VAV3: variants seen among roughly 807,000 people sequenced by gnomAD.
VAV3 encodes the protein guanine nucleotide exchange factor VAV3.
In VAV3, 94 loss-of-function variants were observed where a neutral mutation model predicts 131.2. That is an observed-to-expected ratio of 0.72 (90% CI 0.61 to 0.85). VAV3 has a LOEUF of 0.85. Ranked by LOEUF, VAV3 falls within the 40% of genes least tolerant of loss-of-function variation. The pLI is 0.00. For synonymous variants in VAV3, 349 were observed against 342.0 expected, an observed-to-expected ratio of 1.02 and a Z score of -0.22; for missense variants, 939 against 1,002.7, an observed-to-expected ratio of 0.94 and a Z score of 0.86.
At chr1:107,669,582 A>G (rs1289164644) in intron 19 of VAV3, 1 of 1,154,774 alleles carries the variant, frequency 8.7e-7, no homozygotes, top group African/African-American at 1.7e-5. Context: ...AAATAAAGGT[A>G]GACTAGAGCC....
chr1:107,956,065 G>A (rs1223160088), intron 1 of VAV3, among the ~76,000 whole-genome samples: 1 of 152,236 alleles, frequency 6.6e-6, no homozygotes, highest in Non-Finnish European at 1.5e-5. Flanking sequence ...AAGAGCATCG[G>A]GGTAAGAGTG....
chr1:107,755,611 A>T (rs1203291573), intron 11 of VAV3, 98 bp from the exon 12 acceptor site: 2 of 817,264 alleles, frequency 2.4e-6, no homozygotes, highest in African/African-American at 3.5e-5. Context: ...ATTAGTGGTA[A>T]AAGTAACCAC....
intron 17 of VAV3, among the ~76,000 whole-genome samples, chr1:107,700,358 G>A (rs1660028115): frequency 6.6e-6 from 1 of 152,122 alleles, no homozygotes; most frequent in South Asian, 2.1e-4. Flanking sequence ...TGTTACATAG[G>A]TAAACGCGTG....
Position 107,681,756 on chromosome 1 carries a change from C to G in VAV3, c.1777+1732G>C, listed in dbSNP as rs544431240. On this transcript the variant is annotated intron_variant, in intron 19 of 26. Coordinates refer to ENST00000370056, the MANE Select transcript of VAV3 (RefSeq NM_006113.5). ...GCAAGTTCTGCCTCCCGGGCTCACG[C>G]CATTCTCCTGCCTCAGCCTCCCAAG... 2.6e-4 allele frequency among the ~76,000 whole-genome samples: 39 copies of G among 151,786 alleles called. No individual in the cohort carries two copies. The South Asian group carries it at 4.6e-3, about 18-fold the overall frequency.
At chr1:107,826,313 T>G (rs1668011133) in intron 2 of VAV3, among the ~76,000 whole-genome samples, 1 of 152,204 alleles carries the variant, frequency 6.6e-6, no homozygotes, top group Admixed American at 6.5e-5. Context: ...CCTGTAAGAT[T>G]GAAAATTCTT....
intron 2 of VAV3, among the ~76,000 whole-genome samples, chr1:107,805,257 CTCT>C (rs1476688182): frequency 2.0e-5 from 3 of 152,116 alleles, no homozygotes; most frequent in Non-Finnish European, 2.9e-5. Context: ...CTACTCCTCG[CTCT>C]TCTTCAACTC....
At chr1:107,886,853 GA>G (rs927056375) in intron 1 of VAV3, among the ~76,000 whole-genome samples, 1 of 147,248 alleles carries the variant, frequency 6.8e-6, no homozygotes, top group East Asian at 2.0e-4. Context: ...AAATAAAAAT[GA>G]AAAAAAAACC....
At chr1:107,908,820 A>AACACACACAC (rs59211285) in intron 1 of VAV3, among the ~76,000 whole-genome samples, 1 of 129,332 alleles carries the variant, frequency 7.7e-6, no homozygotes, top group Non-Finnish European at 1.6e-5. Flanking sequence ...GCCCCACTCA[A>AACACACACAC]ACACACACAC....
intron 19 of VAV3, among the ~76,000 whole-genome samples, chr1:107,651,780 A>T (rs949573972): frequency 1.3e-5 from 2 of 152,106 alleles, no homozygotes; most frequent in African/African-American, 4.8e-5. Context: ...GATTAAAAAA[A>T]TAATAAATTA....
At chr1:107,925,148 C>T (rs947560930) in intron 1 of VAV3, among the ~76,000 whole-genome samples, 4 of 151,944 alleles carry the variant, frequency 2.6e-5, no homozygotes, top group Non-Finnish European at 1.5e-5. Context: ...ATTCTATTTA[C>T]GTACACTTAA....
At chr1:107,610,565 T>G (rs1652650074) in intron 21 of VAV3, among the ~76,000 whole-genome samples, 1 of 152,230 alleles carries the variant, frequency 6.6e-6, no homozygotes, top group South Asian at 2.1e-4. Context: ...AATTCTGATT[T>G]AAAAATCTAC....
intron 2 of VAV3, among the ~76,000 whole-genome samples, chr1:107,829,099 G>C (rs1047421138): frequency 6.6e-6 from 1 of 152,136 alleles, no homozygotes; most frequent in African/African-American, 2.4e-5. Context: ...TGGTCCATTT[G>C]CCATGATGAG....
intron 22 of VAV3, among the ~76,000 whole-genome samples, chr1:107,605,480 C>T (rs1652191514): frequency 6.6e-6 from 1 of 152,156 alleles, no homozygotes; most frequent in African/African-American, 2.4e-5. Context: ...TGCAGCCCCT[C>T]GATTTTGGAC....
chr1:107,677,920 C>T (rs575529216), intron 19 of VAV3: 1 of 152,208 alleles, frequency 6.6e-6, no homozygotes, highest in Admixed American at 6.5e-5. Flanking sequence ...TTTGTGAACT[C>T]GGAATGAGCC....
At chr1:107,794,726 C>T (rs557884197) in intron 2 of VAV3, among the ~76,000 whole-genome samples, 9 of 152,244 alleles carry the variant, frequency 5.9e-5, no homozygotes, top group East Asian at 5.8e-4. Context: ...TATTTTGCAA[C>T]GAACAAGGAG....
At chr1:107,890,532 CTA>C (rs1460520134) in intron 1 of VAV3, among the ~76,000 whole-genome samples, 1 of 152,172 alleles carries the variant, frequency 6.6e-6, no homozygotes, top group Non-Finnish European at 1.5e-5. Flanking sequence ...ACCATACACA[CTA>C]TTTCTGTCTG....
At chr1:107,665,258 A>G (rs1045833175) in intron 19 of VAV3, among the ~76,000 whole-genome samples, 2 of 152,194 alleles carry the variant, frequency 1.3e-5, no homozygotes, top group African/African-American at 4.8e-5. Context: ...GTGGGAAAAT[A>G]TGGGGGTTGA....
intron 20 of VAV3, among the ~76,000 whole-genome samples, chr1:107,629,759 T>C (rs7417158): frequency 0.38 from 58,127 of 152,054 alleles, 11,609 homozygotes; most frequent in East Asian, 0.48. Flanking sequence ...AGATAGCCCA[T>C]TCATTCAATA....
intron 15 of VAV3, among the ~76,000 whole-genome samples, chr1:107,709,813 T>C (rs1660672265): frequency 6.6e-6 from 1 of 152,222 alleles, no homozygotes; most frequent in African/African-American, 2.4e-5. Context: ...CCTTCTACCA[T>C]GACTATAAGT....
Sources: gnomAD v4.1 joint callset for allele counts (sites outside exome capture counted in the v4.1 genomes callset) on GRCh38, gnomAD v4.1.1 for gene constraint, MANE v1.5 for transcripts, NCBI Gene and HGNC (gene_info 2026-07-23, HGNC 2026-07-21) for gene names.